The following CNTNAP3 variants were observed in gnomAD, a reference collection of about 807,000 sequenced individuals.
CNTNAP3 encodes contactin-associated protein-like 3.
A neutral mutation model predicts 92.1 loss-of-function variants in CNTNAP3; 36 were observed. The ratio of observed to expected loss-of-function variants is 0.39; its 90% CI spans 0.30 to 0.52. The LOEUF (loss-of-function observed/expected upper bound fraction) is 0.52. CNTNAP3 is among the 20% of genes least tolerant of loss of function. The pLI is 0.76. For missense variants in CNTNAP3, 534 were observed against 1,069.6 expected, an observed-to-expected ratio of 0.50 and a Z score of 6.98; for synonymous variants, 232 against 422.3, an observed-to-expected ratio of 0.55 and a Z score of 5.53.
At chr9:39,081,662 TAGAC>T (rs1328973104) in intron 21 of CNTNAP3, among the ~76,000 whole-genome samples, 1 of 151,924 alleles carries the variant, frequency 6.6e-6, no homozygotes, top group Non-Finnish European at 1.5e-5. Context: ...TCATGCCAAA[TAGAC>T]AGATGTCTAT....
Position 39,149,969 on chromosome 9 carries a change from C to T in CNTNAP3, c.1486G>A (p.Asp496Asn), listed in dbSNP as rs866136596. The change falls in exon 10 of 24, where the codon GAC (aspartate) becomes AAC (asparagine). Residue 496 changes from aspartate (D) to asparagine (N), a missense_variant. Transcript: ENST00000297668. ...TTACATCCAGAGCCAGAGCTGTTGT[C>T]CAGGCAGCCTAAATATGAAGACAAA... Reference protein sequence around the residue: ...GDTYYFGGCLDNSSGSGCKSP... With the variant: ...GDTYYFGGCLNNSSGSGCKSP... 2 of 1,611,926 alleles carry T rather than the reference C, an allele frequency of 1.2e-6. No individual in the cohort carries two copies. The highest frequency in any genetic ancestry group is 1.7e-6 in the Non-Finnish European group (2 of 1,179,822).
At chr9:39,136,876 G>A (rs564652450) in intron 12 of CNTNAP3, among the ~76,000 whole-genome samples, 2 of 152,044 alleles carry the variant, frequency 1.3e-5, no homozygotes, top group African/African-American at 2.4e-5. Flanking sequence ...CTCCAGCCTG[G>A]GCAATGAGAG....
At chr9:39,148,307 G>T (rs915859920) in intron 10 of CNTNAP3, among the ~76,000 whole-genome samples, 18 of 152,010 alleles carry the variant, frequency 1.2e-4, no homozygotes, top group African/African-American at 4.4e-4. Context: ...GTTCACAGGG[G>T]GAAATTATTC....
chr9:39,127,979 T>C (rs536869042), intron 13 of CNTNAP3, among the ~76,000 whole-genome samples: 80 of 152,178 alleles, frequency 5.3e-4, no homozygotes, highest in Middle Eastern at 6.8e-3. Context: ...GCTGGGATTA[T>C]AGGTGTGCGC....
intron 18 of CNTNAP3, among the ~76,000 whole-genome samples, chr9:39,096,985 GTATTTTCAATTACGTA>G (rs140038848): frequency 0.23 from 34,220 of 150,160 alleles, 4,137 homozygotes; most frequent in East Asian, 0.38. Context: ...CTCTCTCCTG[GTATTTTCAATTACGTA>G]TATATTGGTG....
At chr9:39,148,650 C>T (rs190507762) in intron 10 of CNTNAP3, among the ~76,000 whole-genome samples, 2 of 151,818 alleles carry the variant, frequency 1.3e-5, no homozygotes, top group African/African-American at 2.4e-5. Context: ...CTCAGCCTGC[C>T]GAGTAGCTGG....
chr9:39,162,901 C>T (rs1403119055), intron 9 of CNTNAP3, among the ~76,000 whole-genome samples: 1 of 133,276 alleles, frequency 7.5e-6, no homozygotes, highest in East Asian at 2.3e-4. Context: ...TAATCTGTAC[C>T]CCAAGCCCCC....
chr9:39,105,851 ATC>A lies in CNTNAP3; in HGVS notation c.2366-1939_2366-1938del, dbSNP rs565155569. 6.6e-3 allele frequency among the ~76,000 whole-genome samples: 929 copies of A among 140,178 alleles called. 63 individuals are homozygous for A. Among genetic ancestry groups the A allele is most frequent in the African/African-American group, 0.018 (695 of 38,772 alleles). 92.0% of individuals were successfully genotyped at this position (140,178 alleles called of 152,430 possible). A position where few individuals can be genotyped will look rare whatever the true frequency, so the allele number is the denominator to read the frequency against. On this transcript the variant is annotated intron_variant, in intron 15 of 23. Transcript: ENST00000297668. The stretch of plus-strand genomic sequence containing the variant: ...TCAGCTAGGAAATATGTGTATTTGT[ATC>A]TCTCTCTCTCTCTCTCACACACACA...
intron 13 of CNTNAP3, among the ~76,000 whole-genome samples, chr9:39,124,717 C>T (rs1453205405): frequency 6.6e-6 from 1 of 152,072 alleles, no homozygotes; most frequent in Non-Finnish European, 1.5e-5. Flanking sequence ...AGACACTTCT[C>T]AAAAGAAGAC....
At chr9:39,142,313 C>T (rs984856847) in intron 11 of CNTNAP3, among the ~76,000 whole-genome samples, 4 of 152,136 alleles carry the variant, frequency 2.6e-5, no homozygotes, top group African/African-American at 4.8e-5. Context: ...GTACTCCCTG[C>T]ACCAACTCTA....
chr9:39,090,085 G>T (rs1446815190), intron 18 of CNTNAP3, among the ~76,000 whole-genome samples: 1 of 151,538 alleles, frequency 6.6e-6, no homozygotes, highest in Non-Finnish European at 1.5e-5. Flanking sequence ...GACTACAGGC[G>T]CCCGCCACTA....
chr9:39,151,997 G>T (rs1821853848), intron 9 of CNTNAP3, among the ~76,000 whole-genome samples: 1 of 148,584 alleles, frequency 6.7e-6, no homozygotes, highest in African/African-American at 2.5e-5. Context: ...CTAGAGGATT[G>T]AGTTTTCTTT....
rs1331409820 is a variant in CNTNAP3, at chr9:39,080,407, G to A, written c.3443-1487C>T. The stretch of plus-strand genomic sequence containing the variant: ...CTCCCATTTTGTAGTTTTCCACTCA[G>A]ACACCCCACCCCAGCCACTCTGCTC... On this transcript the variant is annotated intron_variant, in intron 21 of 23. Coordinates refer to ENST00000297668, the MANE Select transcript of CNTNAP3 (RefSeq NM_033655.5). 1.1e-4 allele frequency among the ~76,000 whole-genome samples: 15 copies of A among 135,612 alleles called. No individual in the cohort carries two copies. In the South Asian group the frequency reaches 3.3e-3, roughly 30 times the overall value. 89.0% of individuals were successfully genotyped at this position (135,612 alleles called of 152,430 possible).
chr9:39,110,803 A>G (rs117996222), intron 14 of CNTNAP3, among the ~76,000 whole-genome samples: 4,448 of 152,272 alleles, frequency 0.029, 93 homozygotes, highest in East Asian at 0.11. Flanking sequence ...ATATTTATAT[A>G]CTTTTGGTTA....
At chr9:39,121,852 C>T (rs906257365) in intron 13 of CNTNAP3, among the ~76,000 whole-genome samples, 26 of 152,214 alleles carry the variant, frequency 1.7e-4, no homozygotes, top group African/African-American at 6.0e-4. Flanking sequence ...AAGCGCAGAA[C>T]ATTATGTTCT....
At chr9:39,130,597 T>A (rs59784028) in intron 13 of CNTNAP3, among the ~76,000 whole-genome samples, 1 of 149,418 alleles carries the variant, frequency 6.7e-6, no homozygotes, top group African/African-American at 2.5e-5. Context: ...CTCCACCTCC[T>A]GGGTTCACGC....
rs1821550070 is a variant in CNTNAP3 at position 39,140,537 on chromosome 9, C to T, written c.1858G>A (p.Val620Met). ...AACATACCTGTCATATTGCAGTACA[C>T]AAGAAATGGTCCCAGGGGGCCACTT... The part of the protein sequence containing the change: ...DGSGPLGPFL[V>M]YCNMTADAAW... The change falls in exon 12 of 24, where the codon GTG (valine) becomes ATG (methionine). Residue 620 changes from valine to methionine, a missense_variant. Val to Met is a conservative substitution (Grantham distance 21). Transcript: ENST00000297668. 5.0e-6 allele frequency: 8 copies of T among 1,613,648 alleles called. No individual in the cohort carries two copies. Among genetic ancestry groups the T allele is most frequent in the Non-Finnish European group, 6.8e-6 (8 of 1,179,808 alleles).
intron 13 of CNTNAP3, among the ~76,000 whole-genome samples, chr9:39,126,806 G>A (rs1353345818): frequency 6.6e-6 from 1 of 151,804 alleles, no homozygotes; most frequent in Non-Finnish European, 1.5e-5. Flanking sequence ...CACAATTATA[G>A]TACAGATTTC....
chr9:39,120,384 A>G (rs1245237524), intron 13 of CNTNAP3, among the ~76,000 whole-genome samples: 1 of 152,174 alleles, frequency 6.6e-6, no homozygotes, highest in Non-Finnish European at 1.5e-5. Flanking sequence ...TGGAAATAAA[A>G]CCTTTTTAGG....
Sources: allele counts gnomAD v4.1 joint callset (sites outside exome capture counted in the v4.1 genomes callset), GRCh38; gene constraint gnomAD v4.1.1; transcripts MANE v1.5; gene names NCBI Gene and HGNC (gene_info 2026-07-23, HGNC 2026-07-21).